Variants in LRRK1 observed in about 807,000 individuals in gnomAD.
The protein encoded by LRRK1 is leucine rich repeat kinase 1.
Under a neutral mutation model 209.1 loss-of-function variants are expected in LRRK1, and 113 were observed. That is an observed-to-expected ratio of 0.54 (90% CI 0.46 to 0.63). The LOEUF is 0.63. Among genes scored for constraint, LRRK1 ranks in the 30% least tolerant of loss-of-function variants. The pLI is 0.00. For synonymous variants in LRRK1, 1,144 were observed against 1,099.7 expected, an observed-to-expected ratio of 1.04 and a Z score of -0.80; for missense variants, 2,284 against 2,632.2, an observed-to-expected ratio of 0.87 and a Z score of 2.89.
chr15:101,018,514 G>A (rs371519270), intron 12 of LRRK1, among the ~76,000 whole-genome samples: 6 of 152,154 alleles, frequency 3.9e-5, no homozygotes, highest in East Asian at 3.9e-4. Context: ...GATTAGAAAC[G>A]TGTCTCCAGT....
chr15:100,949,858 C>G (rs1339667932), intron 2 of LRRK1, among the ~76,000 whole-genome samples: 1 of 152,056 alleles, frequency 6.6e-6, no homozygotes, highest in Non-Finnish European at 1.5e-5. Context: ...AAGGAAACTT[C>G]CTCAATCTGA....
chr15:101,042,170 A>C (rs2034792925), intron 20 of LRRK1, among the ~76,000 whole-genome samples: 1 of 152,262 alleles, frequency 6.6e-6, no homozygotes, highest in South Asian at 2.1e-4. Flanking sequence ...ATCCTGAAGA[A>C]TTACGTGTAG....
At chr15:101,020,699 G>T (rs2033743099) in intron 12 of LRRK1, among the ~76,000 whole-genome samples, 1 of 152,132 alleles carries the variant, frequency 6.6e-6, no homozygotes, top group Non-Finnish European at 1.5e-5. Context: ...TTGATGGGTA[G>T]CTCTTGAGTA....
At chr15:101,062,738 C>A in intron 31 of LRRK1, 48 bp downstream of exon 31, 1 of 1,363,104 alleles carries the variant, frequency 7.3e-7, no homozygotes, top group Non-Finnish European at 1.1e-6. Context: ...TGCACTTCCA[C>A]GCCTAGGAGG....
At chr15:100,983,850 C>T (rs771601720) in intron 4 of LRRK1, 151 bp downstream of exon 4, 4 of 816,028 alleles carry the variant, frequency 4.9e-6, no homozygotes, top group Non-Finnish European at 8.6e-6. Context: ...TGAAGCTTGC[C>T]TGCCAGCCAC....
At chr15:100,941,400 CTG>C (rs1567190942) in intron 2 of LRRK1, among the ~76,000 whole-genome samples, 64 of 81,640 alleles carry the variant, frequency 7.8e-4, no homozygotes, top group African/African-American at 3.2e-3. Flanking sequence ...CTGTGTGTGT[CTG>C]TGTGTGTCTC....
intron 17 of LRRK1, 59 bp downstream of exon 17, chr15:101,026,196 C>G: frequency 6.5e-7 from 1 of 1,528,714 alleles, no homozygotes. Context: ...GCTGATCTTT[C>G]CTGGGATCAG....
intron 20 of LRRK1, among the ~76,000 whole-genome samples, chr15:101,034,518 C>A (rs1340313472): frequency 6.6e-6 from 1 of 152,106 alleles, no homozygotes; most frequent in Non-Finnish European, 1.5e-5. Context: ...GGTGTATTTT[C>A]TCCACTGTAG....
chr15:100,941,108 C>G (rs2042392249), intron 2 of LRRK1, among the ~76,000 whole-genome samples: 1 of 151,924 alleles, frequency 6.6e-6, no homozygotes, highest in East Asian at 1.9e-4. Context: ...TAAATATTTT[C>G]TGTGTGTGTG....
At chr15:100,938,675 G>GA (rs1449817199) in intron 2 of LRRK1, among the ~76,000 whole-genome samples, 1 of 151,770 alleles carries the variant, frequency 6.6e-6, no homozygotes. Flanking sequence ...GTCTAGAAAA[G>GA]AAAAAACAAA....
chr15:100,922,991 C>T (rs1379280303), intron 1 of LRRK1, among the ~76,000 whole-genome samples: 2 of 152,188 alleles, frequency 1.3e-5, no homozygotes. Context: ...TACCTTACTT[C>T]GTGCCCCTAC....
Position 100,950,842 on chromosome 15 carries a change from G to A in LRRK1, c.98-22962G>A, listed in dbSNP as rs149024104. Among the ~76,000 whole-genome samples the A allele has an allele frequency of 4.2e-3, 632 of 152,042 alleles. 1 individual carries two copies. Among genetic ancestry groups the A allele is most frequent in the African/African-American group, 0.014 (601 of 41,474 alleles). On this transcript the variant is annotated intron_variant, in intron 2 of 33. Coordinates refer to ENST00000388948, the MANE Select transcript of LRRK1 (RefSeq NM_024652.6). ...GAGCAGGCCGGGCGCGGTGGCTCGC[G>A]CCTGTCATCCCAGCACTTTGGGAGG... is the stretch of plus-strand genomic sequence containing the variant.
intron 20 of LRRK1, among the ~76,000 whole-genome samples, chr15:101,039,059 C>G (rs1228561616): frequency 6.6e-6 from 1 of 152,162 alleles, no homozygotes; most frequent in African/African-American, 2.4e-5. Flanking sequence ...ATGACACCCT[C>G]CAATTTTGTT....
intron 6 of LRRK1, among the ~76,000 whole-genome samples, chr15:100,996,414 C>G (rs964376528): frequency 6.6e-6 from 1 of 152,190 alleles, no homozygotes; most frequent in Non-Finnish European, 1.5e-5. Flanking sequence ...CACAGTCGCT[C>G]GTGTGAACAG....
At chr15:100,946,028 A>C (rs2042534296) in intron 2 of LRRK1, among the ~76,000 whole-genome samples, 1 of 152,218 alleles carries the variant, frequency 6.6e-6, no homozygotes, top group Non-Finnish European at 1.5e-5. Context: ...AATATAAAAT[A>C]CTTAGGGGAA....
chr15:101,045,383 G>A lies in LRRK1; in HGVS notation c.2964-598G>A, dbSNP rs536459455. ...TGGAGGGACCTCCCAGGTTTCAGCC[G>A]TGAAGCCCTTGCCGATGCAATGATG... On this transcript the variant is annotated intron_variant, in intron 20 of 33. Coordinates refer to ENST00000388948, the MANE Select transcript of LRRK1 (RefSeq NM_024652.6). Among the ~76,000 whole-genome samples, 16 of 152,304 alleles carry A rather than the reference G, an allele frequency of 1.1e-4. No homozygotes were observed. The East Asian group carries it at 2.7e-3, about 26-fold the overall frequency.
intron 2 of LRRK1, among the ~76,000 whole-genome samples, chr15:100,968,988 G>A (rs1450784917): frequency 2.6e-5 from 4 of 151,972 alleles, no homozygotes; most frequent in African/African-American, 4.8e-5. Context: ...CTACAGGTGT[G>A]CACCACCATG....
At chr15:101,041,705 AGT>A (rs1424116644) in intron 20 of LRRK1, among the ~76,000 whole-genome samples, 1 of 152,228 alleles carries the variant, frequency 6.6e-6, no homozygotes, top group Non-Finnish European at 1.5e-5. Context: ...TCTATACAGT[AGT>A]CCCCCTTATC....
chr15:101,037,955 A>G (rs1455995499), intron 20 of LRRK1, among the ~76,000 whole-genome samples: 2 of 152,266 alleles, frequency 1.3e-5, no homozygotes, highest in African/African-American at 4.8e-5. Context: ...AATTGCAAAA[A>G]TATGGAACCA....
Sources: allele counts gnomAD v4.1 joint callset (sites outside exome capture counted in the v4.1 genomes callset), GRCh38; gene constraint gnomAD v4.1.1; transcripts MANE v1.5; gene names NCBI Gene and HGNC (gene_info 2026-07-23, HGNC 2026-07-21).